The following HSD17B4 variants were observed in gnomAD, a reference collection of about 807,000 sequenced individuals.
The protein encoded by HSD17B4 is hydroxysteroid 17-beta dehydrogenase 4.
Under a neutral mutation model 101.0 loss-of-function variants are expected in HSD17B4, and 70 were observed. The ratio of observed to expected loss-of-function variants is 0.69; its 90% CI spans 0.57 to 0.85. The LOEUF is 0.85. HSD17B4 is among the 40% of genes least tolerant of loss of function. The pLI is 0.00. For synonymous variants in HSD17B4, 347 were observed against 297.1 expected, an observed-to-expected ratio of 1.17 and a Z score of -1.73; for missense variants, 984 against 892.4, an observed-to-expected ratio of 1.10 and a Z score of -1.31.
chr5:119,454,870 C>T (rs1210061809), intron 1 of HSD17B4, among the ~76,000 whole-genome samples: 2 of 152,114 alleles, frequency 1.3e-5, no homozygotes, highest in Non-Finnish European at 1.5e-5. Context: ...GATCCGCCCA[C>T]CTCTGTCTCA....
At chr5:119,454,564 A>G (rs1754404143) in intron 1 of HSD17B4, among the ~76,000 whole-genome samples, 1 of 152,010 alleles carries the variant, frequency 6.6e-6, no homozygotes, top group Non-Finnish European at 1.5e-5. Flanking sequence ...CTTGGATTAA[A>G]TTCTAAAATA....
rs1750935729 is a variant in HSD17B4, at chr5:119,499,297, C to G, written c.973-20C>G. On this transcript the variant is annotated intron_variant, in intron 12 of 23. Coordinates refer to ENST00000510025, the MANE Select transcript of HSD17B4 (RefSeq NM_000414.4). ...GAAAAGTTATCAATGAAATAAATTACTTTTTAAAACTGTTCTTAGGCTGGA... is the reference window on the plus strand; with the variant it reads ...GAAAAGTTATCAATGAAATAAATTAGTTTTTAAAACTGTTCTTAGGCTGGA... The G allele has an allele frequency of 2.0e-6, 3 of 1,537,972 alleles. No homozygotes were observed. Among genetic ancestry groups the G allele is most frequent in the South Asian group, 1.1e-5 (1 of 89,412 alleles).
chr5:119,471,670 A>G (rs1756384358), intron 2 of HSD17B4: 2 of 1,474,446 alleles, frequency 1.4e-6, no homozygotes, highest in Admixed American at 2.2e-5. Context: ...TATGGAGAAG[A>G]TCATTTCACA....
chr5:119,519,514 G>T (rs1454202233), intron 17 of HSD17B4, among the ~76,000 whole-genome samples: 2 of 152,228 alleles, frequency 1.3e-5, no homozygotes, highest in Non-Finnish European at 1.5e-5. Context: ...CCACAAAGCT[G>T]TAGAGAAATC....
In HSD17B4 at chr5:119,542,066, T is replaced by A; in HGVS notation, c.*72T>A. 1 of 1,017,526 alleles carries A rather than the reference T, an allele frequency of 9.8e-7. No individual in the cohort carries two copies. Among genetic ancestry groups the A allele is most frequent in the Non-Finnish European group, 1.5e-6 (1 of 645,960 alleles). The allele number at this position is 1,017,526 out of a possible 1,614,324, so 63.0% of individuals were successfully genotyped here. ...TTCACCCAAATATGCTTGATTATTC[T>A]GCAAAAGTGATTAGAACTAAGATGC... is the stretch of plus-strand genomic sequence containing the variant. On this transcript the variant is annotated 3_prime_UTR_variant, in exon 24 of 24. Coordinates refer to ENST00000510025, the MANE Select transcript of HSD17B4 (RefSeq NM_000414.4).
chr5:119,464,994 T>C (rs915980265), intron 2 of HSD17B4, among the ~76,000 whole-genome samples: 4 of 152,184 alleles, frequency 2.6e-5, no homozygotes, highest in Non-Finnish European at 5.9e-5. Flanking sequence ...TTGGGATCTT[T>C]TGTGGTTTCA....
chr5:119,541,738 AT>A (rs1755010733), intron 23 of HSD17B4, among the ~76,000 whole-genome samples, 166 bp from the exon 24 acceptor site: 1 of 152,108 alleles, frequency 6.6e-6, no homozygotes, highest in East Asian at 1.9e-4. Context: ...GTCTAAAAAA[AT>A]GTGCTATCTG....
chr5:119,498,326 G>T (rs550912894), intron 12 of HSD17B4, among the ~76,000 whole-genome samples: 1 of 152,220 alleles, frequency 6.6e-6, no homozygotes, highest in South Asian at 2.1e-4. Context: ...GGCTCTGTGG[G>T]CTACATAGTG....
intron 23 of HSD17B4, among the ~76,000 whole-genome samples, 162 bp from the exon 24 acceptor site, chr5:119,541,743 C>T (rs535240022): frequency 2.2e-4 from 34 of 151,364 alleles, no homozygotes; most frequent in African/African-American, 8.3e-4. Context: ...AAAAAATGTG[C>T]TATCTGTAGT....
In HSD17B4 at chr5:119,493,727, C is replaced by T; in HGVS notation, c.740-91C>T. ...TAGAATCCCTTTTTTTCTGAATTTC[C>T]TTTCTCTTTAAAAATGAAAGGGTTC... On this transcript the variant is annotated intron_variant, in intron 10 of 23. Coordinates refer to ENST00000510025, the MANE Select transcript of HSD17B4 (RefSeq NM_000414.4). 13 of 1,225,220 alleles carry T rather than the reference C, an allele frequency of 1.1e-5. No individual in the cohort carries two copies. In the Admixed American group the frequency reaches 1.1e-4, roughly 10 times the overall value. 75.9% of individuals were successfully genotyped at this position (1,225,220 alleles called of 1,614,324 possible). A position where few individuals can be genotyped will look rare whatever the true frequency, so the allele number is the denominator to read the frequency against.
intron 1 of HSD17B4, among the ~76,000 whole-genome samples, chr5:119,453,219 A>G (rs1033401325): frequency 6.6e-6 from 1 of 152,182 alleles, no homozygotes. Flanking sequence ...CTCGAAATCC[A>G]CTGGAGTCTT....
Position 119,525,293 on chromosome 5 carries a change from G to A in HSD17B4, c.1573+8G>A, listed in dbSNP as rs1023259498. 5 of 1,560,004 alleles carry A rather than the reference G, an allele frequency of 3.2e-6. No individual in the cohort carries two copies. The highest frequency in any genetic ancestry group is 1.4e-5 in the African/African-American group (1 of 73,686). ...ACTTTGCTAGTCTAGCAGGTGAGTT[G>A]TCTTTAATATGTATCAATGAAAAAT... is the stretch of plus-strand genomic sequence containing the variant. On this transcript the variant is annotated splice_region_variant and intron_variant, in intron 18 of 23. Coordinates refer to ENST00000510025, the MANE Select transcript of HSD17B4 (RefSeq NM_000414.4).
At chr5:119,455,866 G>A (rs1435235896) in intron 1 of HSD17B4, among the ~76,000 whole-genome samples, 1 of 152,130 alleles carries the variant, frequency 6.6e-6, no homozygotes, top group Admixed American at 6.5e-5. Flanking sequence ...GGGACCTGAA[G>A]TATGGAAGCT....
intron 4 of HSD17B4, among the ~76,000 whole-genome samples, chr5:119,475,482 T>C (rs1748495210): frequency 6.6e-6 from 1 of 152,086 alleles, no homozygotes; most frequent in African/African-American, 2.4e-5. Context: ...AATTTATAGA[T>C]GTTAGTTTGA....
intron 21 of HSD17B4, among the ~76,000 whole-genome samples, chr5:119,530,878 A>G (rs1754036463): frequency 6.6e-6 from 1 of 150,462 alleles, no homozygotes; most frequent in Non-Finnish European, 1.5e-5. Flanking sequence ...AAACAAAAAA[A>G]ACCCAAAACT....
chr5:119,536,304 A>G, intron 22 of HSD17B4, 119 bp from the exon 23 acceptor site: 1 of 907,728 alleles, frequency 1.1e-6, no homozygotes, highest in Non-Finnish European at 1.8e-6. Flanking sequence ...GAATATGTGT[A>G]GAATAAGTGC....
rs761239629 is a variant in HSD17B4, at chr5:119,536,598, T to G, written c.2121+48T>G. The G allele has an allele frequency of 3.1e-6, 5 of 1,592,030 alleles. No individual in the cohort carries two copies. In the South Asian group the frequency reaches 4.4e-5, roughly 14 times the overall value. On this transcript the variant is annotated intron_variant, in intron 23 of 23. Coordinates refer to ENST00000510025, the MANE Select transcript of HSD17B4 (RefSeq NM_000414.4). Reference sequence around the variant, plus strand: ...TATTCATTGTTTTATTGTTTCCTCTTTTGACAATTGCAGTTTTTAAGCTGA... The same window carrying G: ...TATTCATTGTTTTATTGTTTCCTCTGTTGACAATTGCAGTTTTTAAGCTGA...
At chr5:119,483,692 C>T (rs1749352476) in intron 8 of HSD17B4, among the ~76,000 whole-genome samples, 4 of 152,118 alleles carry the variant, frequency 2.6e-5, no homozygotes, top group African/African-American at 7.2e-5. Flanking sequence ...TTGTACCCAT[C>T]GTTCAGCTTC....
chr5:119,493,795 G>A (rs1432502329), intron 10 of HSD17B4, 23 bp from the exon 11 acceptor site: 2 of 1,609,018 alleles, frequency 1.2e-6, no homozygotes, highest in Non-Finnish European at 1.7e-6. Context: ...TGCTCAGTAT[G>A]TTAGTTTTGT....
Sources: gnomAD v4.1 joint callset for allele counts (sites outside exome capture counted in the v4.1 genomes callset) on GRCh38, gnomAD v4.1.1 for gene constraint, MANE v1.5 for transcripts, NCBI Gene and HGNC (gene_info 2026-07-23, HGNC 2026-07-21) for gene names.